ABCA12: variants seen among roughly 807,000 people sequenced by gnomAD.
ABCA12 encodes the protein glucosylceramide transporter ABCA12.
ABCA12 carries 156 observed loss-of-function variants against 293.5 expected under a neutral mutation model. The ratio of observed to expected loss-of-function variants is 0.53; its 90% CI spans 0.47 to 0.61. ABCA12 has a LOEUF of 0.61. Among genes scored for constraint, ABCA12 ranks in the 20% least tolerant of loss-of-function variants. The pLI is 0.00. For synonymous variants in ABCA12, 1,063 were observed against 1,108.0 expected (o/e 0.96, Z 0.81); for missense variants, 2,797 against 3,090.2 (o/e 0.91, Z 2.25).
At chr2:214,981,131 G>C (rs934095533) in intron 30 of ABCA12, among the ~76,000 whole-genome samples, 2 of 151,460 alleles carry the variant, frequency 1.3e-5, no homozygotes, top group African/African-American at 4.8e-5. Flanking sequence ...GAAAAACTCA[G>C]AAGGGTGTTC....
intron 6 of ABCA12, among the ~76,000 whole-genome samples, chr2:215,048,659 C>A (rs1156681217): frequency 6.6e-6 from 1 of 152,106 alleles, no homozygotes; most frequent in African/African-American, 2.4e-5. Context: ...GCTGAGATAG[C>A]ACCTTTGCCC....
At chr2:215,123,223 G>C (rs1317740391) in intron 1 of ABCA12, among the ~76,000 whole-genome samples, 1 of 151,958 alleles carries the variant, frequency 6.6e-6, no homozygotes, top group East Asian at 1.9e-4. Flanking sequence ...GCTCAGGCTG[G>C]AGTGCAGTGG....
intron 38 of ABCA12, among the ~76,000 whole-genome samples, chr2:214,967,168 G>T (rs1033219957): frequency 6.6e-6 from 1 of 152,102 alleles, no homozygotes; most frequent in Non-Finnish European, 1.5e-5. Context: ...GAAGAGAGTT[G>T]TTCTGTGGAT....
chr2:215,023,897 A>G (rs1312918370), intron 11 of ABCA12, among the ~76,000 whole-genome samples: 5 of 152,190 alleles, frequency 3.3e-5, no homozygotes, highest in African/African-American at 9.6e-5. Flanking sequence ...ACCTTCTTCA[A>G]ATTTACAACT....
chr2:214,983,852 C>T lies in ABCA12; in HGVS notation c.4177G>A (p.Gly1393Arg), dbSNP rs1699725513. 1 of 1,613,798 alleles carries T rather than the reference C, an allele frequency of 6.2e-7. No homozygotes were observed. Among genetic ancestry groups the T allele is most frequent in the East Asian group, 2.2e-5 (1 of 44,858 alleles). The change falls in exon 29 of 53, where the codon GGG (glycine) becomes AGG (arginine). Residue 1393 changes from glycine to arginine, a missense_variant. Physicochemically the swap from Gly to Arg is moderately radical, Grantham distance 125. This residue lies in a region of ABCA12 where 2,130 missense variants were observed against 2,427.0 expected (regional missense o/e 0.88). Coordinates refer to ENST00000272895, the MANE Select transcript of ABCA12 (RefSeq NM_173076.3). ...GTGCCTGCTGAGGCCCCAAACAGCC[C>T]AGTTAACATGGAACTGGAAATGAAG... Reference protein sequence around the residue: ...GKTTTISMLTGLFGASAGTIF... With the variant: ...GKTTTISMLTRLFGASAGTIF...
chr2:214,934,067 A>G lies in ABCA12; in HGVS notation c.7680+11T>C. ...TGACGTTGTGCACATGGATCGTGGT[A>G]TATATCTTACCTCTTCCAGAGTGGT... On this transcript the variant is annotated intron_variant, in intron 52 of 52. Transcript: ENST00000272895. 6.2e-7 allele frequency: 1 copy of G among 1,612,538 alleles called. No homozygotes were observed. Among genetic ancestry groups the G allele is most frequent in the Non-Finnish European group, 8.5e-7 (1 of 1,178,756 alleles).
At chr2:215,131,699 ATTGTT>A (rs1458681773) in intron 1 of ABCA12, among the ~76,000 whole-genome samples, 151 of 38,650 alleles carry the variant, frequency 3.9e-3, no homozygotes, top group African/African-American at 0.014. Flanking sequence ...GATCCTTTCT[ATTGTT>A]TTTTTTTTTT....
chr2:215,096,606 C>T (rs925018716), intron 2 of ABCA12, among the ~76,000 whole-genome samples: 1 of 152,174 alleles, frequency 6.6e-6, no homozygotes, highest in Non-Finnish European at 1.5e-5. Flanking sequence ...CTACTACTTC[C>T]TCTTCCCAGT....
chr2:215,063,400 T>A (rs1366544807), intron 3 of ABCA12, among the ~76,000 whole-genome samples: 9 of 152,022 alleles, frequency 5.9e-5, no homozygotes. Flanking sequence ...AATATTGTTT[T>A]CAGTTCTGAA....
chr2:214,969,598 T>G (rs987571356), intron 37 of ABCA12, among the ~76,000 whole-genome samples: 1 of 152,148 alleles, frequency 6.6e-6, no homozygotes, highest in African/African-American at 2.4e-5. Flanking sequence ...AATATTTACA[T>G]GTATATCTGT....
chr2:215,001,644 A>G lies in ABCA12; in HGVS notation c.2777T>C (p.Leu926Ser), dbSNP rs758551233. Reference protein sequence around the residue: ...SLTVNISSCVLYDRIQAAKTI... With the variant: ...SLTVNISSCVSYDRIQAAKTI... ...TTTTGCTGCCTGAATACGGTCATAT[A>G]ATACACAAGAGGAAATATTTACTGT... Residue 926 changes from leucine to serine, a missense_variant, in exon 21 of 53, where the codon TTA becomes TCA. Physicochemically the swap from Leu to Ser is moderately radical, Grantham distance 145 (BLOSUM62 -2). Around this residue, in one of 3 missense-constraint regions of ABCA12, gnomAD observed 2,130 missense variants for 2,427.0 expected, o/e 0.88. Coordinates refer to ENST00000272895, the MANE Select transcript of ABCA12 (RefSeq NM_173076.3). 9.3e-6 allele frequency: 15 copies of G among 1,613,698 alleles called. No homozygotes were observed. Among genetic ancestry groups the G allele is most frequent in the Non-Finnish European group, 9.3e-6 (11 of 1,179,836 alleles).
intron 36 of ABCA12, among the ~76,000 whole-genome samples, chr2:214,970,910 T>G (rs1699372259): frequency 6.6e-6 from 1 of 152,014 alleles, no homozygotes; most frequent in South Asian, 2.1e-4. Flanking sequence ...TATGTATATA[T>G]GTGTGTATAT....
chr2:214,991,365 C>T (rs578110638), intron 23 of ABCA12, among the ~76,000 whole-genome samples: 1 of 152,202 alleles, frequency 6.6e-6, no homozygotes, highest in South Asian at 2.1e-4. Context: ...TATGGTATCC[C>T]CTGTAGAATT....
rs531226932 is a variant in ABCA12 at position 214,938,356 on chromosome 2, G to A, written c.7437-741C>T. The stretch of plus-strand genomic sequence containing the variant: ...ATATGTGCCACATTTTCTTTATCTA[G>A]TCTGTCATTGATGGGCATTTGGGTT... On this transcript the variant is annotated intron_variant, in intron 50 of 52. Coordinates refer to ENST00000272895, the MANE Select transcript of ABCA12 (RefSeq NM_173076.3). Among the ~76,000 whole-genome samples the A allele has an allele frequency of 4.6e-5, 7 of 152,186 alleles. No individual in the cohort carries two copies. In the East Asian group the frequency reaches 1.2e-3, roughly 25 times the overall value.
intron 36 of ABCA12, among the ~76,000 whole-genome samples, chr2:214,973,738 A>C (rs1363908246): frequency 6.6e-6 from 1 of 152,078 alleles, no homozygotes; most frequent in Admixed American, 6.5e-5. Context: ...AGAATTACCT[A>C]CCTTTGGAAA....
At chr2:214,940,617 T>C (rs1378870695) in intron 50 of ABCA12, among the ~76,000 whole-genome samples, 1 of 151,832 alleles carries the variant, frequency 6.6e-6, no homozygotes, top group African/African-American at 2.4e-5. Context: ...GTTGGTAGGC[T>C]GTTTGTTAAT....
At chr2:214,970,143 G>T in intron 37 of ABCA12, 130 bp downstream of exon 37, 2 of 957,020 alleles carry the variant, frequency 2.1e-6, no homozygotes, top group Non-Finnish European at 3.0e-6. Flanking sequence ...ATATAAGGCT[G>T]TTTAAATAAA....
At chr2:214,945,933 G>T (rs181704160) in intron 48 of ABCA12, among the ~76,000 whole-genome samples, 45 of 152,194 alleles carry the variant, frequency 3.0e-4, no homozygotes, top group African/African-American at 1.0e-3. Flanking sequence ...GAGGCATAGC[G>T]GGGAGAGGAG....
chr2:215,054,285 A>G lies in ABCA12; in HGVS notation c.409+288T>C, dbSNP rs546471322. Among the ~76,000 whole-genome samples, 504 of 152,236 alleles carry G rather than the reference A, an allele frequency of 3.3e-3. 2 individuals are homozygous for G. The highest frequency in any genetic ancestry group is 3.4e-3 in the Middle Eastern group (1 of 294). ...ACCCATCCCAGCATCATCTAATTGC[A>G]GACAACTAAAGAGTCTAGAGTCAGT... On this transcript the variant is annotated intron_variant, in intron 4 of 52. Coordinates refer to ENST00000272895, the MANE Select transcript of ABCA12 (RefSeq NM_173076.3).
Sources: allele counts gnomAD v4.1 joint callset (sites outside exome capture counted in the v4.1 genomes callset), GRCh38; gene constraint gnomAD v4.1.1; regional missense constraint gnomAD v4.1.1; transcripts MANE v1.5; gene names NCBI Gene and HGNC (gene_info 2026-07-23, HGNC 2026-07-21).